The following ZNF540 variants were observed in gnomAD, a reference collection of about 807,000 sequenced individuals.
ZNF540 encodes the protein CTD-3064H18.6.
Under a neutral mutation model 11.8 loss-of-function variants are expected in ZNF540, and 3 were observed. The ratio of observed to expected loss-of-function variants is 0.25; its 90% CI spans 0.12 to 0.65. The LOEUF is 0.65. ZNF540 is among the 30% of genes least tolerant of loss of function. The pLI is 0.83. For synonymous variants in ZNF540, 247 were observed against 259.0 expected, an observed-to-expected ratio of 0.95 and a Z score of 0.45; for missense variants, 709 against 793.1, an observed-to-expected ratio of 0.89 and a Z score of 1.27.
rs764452262 is a variant in ZNF540, at chr19:37,598,367, C to T, written c.-72-9C>T. The T allele has an allele frequency of 4.0e-6, 6 of 1,501,656 alleles. No homozygotes were observed. Among genetic ancestry groups the T allele is most frequent in the African/African-American group, 2.8e-5 (2 of 71,662 alleles). The allele number at this position is 1,501,656 out of a possible 1,614,324, so 93.0% of individuals were successfully genotyped here. A position where few individuals can be genotyped will look rare whatever the true frequency, so the allele number is the denominator to read the frequency against. On this transcript the variant is annotated splice_polypyrimidine_tract_variant and intron_variant, in intron 1 of 4. Coordinates refer to ENST00000316433, the MANE Select transcript of ZNF540 (RefSeq NM_001172225.3). ...TCTCACTGTCTCATTTTTTTCTCCT[C>T]TAACTCAGGCTTCTCAGAACTTTGC... is the stretch of plus-strand genomic sequence containing the variant.
At chr19:37,594,280 T>C (rs1477322585), upstream of ZNF540, 4 of 152,258 alleles carry the variant, frequency 2.6e-5, no homozygotes, top group African/African-American at 9.6e-5. Flanking sequence ...ATGATGTCCG[T>C]GTCACACGAG....
chr19:37,568,121 G>A (rs773133130), intron 1 of ZNF540, among the ~76,000 whole-genome samples: 1 of 152,186 alleles, frequency 6.6e-6, no homozygotes, highest in Non-Finnish European at 1.5e-5. Flanking sequence ...CCTATCTGAT[G>A]TAACTGGATC....
intron 1 of ZNF540, among the ~76,000 whole-genome samples, chr19:37,571,083 C>A (rs1460662521): frequency 6.6e-6 from 1 of 152,186 alleles, no homozygotes; most frequent in Non-Finnish European, 1.5e-5. Flanking sequence ...ATTGTGTATT[C>A]ATCTGTAGCT....
chr19:37,583,802 G>T (rs760169121), intron 1 of ZNF540: 16 of 595,398 alleles, frequency 2.7e-5, no homozygotes, highest in Non-Finnish European at 4.6e-5. Context: ...GACAGAGAAA[G>T]ATGTGACAGT....
intron 1 of ZNF540, chr19:37,567,528 A>G (rs1442614869): frequency 6.6e-6 from 1 of 152,160 alleles, no homozygotes; most frequent in Admixed American, 6.5e-5. Flanking sequence ...TTAAGCCTCA[A>G]ATTGAGCCAC....
intron 1 of ZNF540, chr19:37,566,351 A>G (rs2042860053): frequency 4.0e-6 from 6 of 1,508,970 alleles, no homozygotes; most frequent in Non-Finnish European, 5.3e-6. Context: ...TAAAAATTCT[A>G]TGGTAAAAAT....
In ZNF540 at chr19:37,613,838, C is replaced by T; in HGVS notation, c.*575C>T. 2.5e-6 allele frequency: 1 copy of T among 398,454 alleles called. No homozygotes were observed. Among genetic ancestry groups the T allele is most frequent in the South Asian group, 1.3e-4 (1 of 7,848 alleles). 24.7% of individuals were successfully genotyped at this position (398,454 alleles called of 1,614,324 possible). ...CAATTCCTATGTTGAAACACGAATC[C>T]CAAGGTGATGGTATTTGAAGGTAGG... On this transcript the variant is annotated 3_prime_UTR_variant, in exon 5 of 5. Coordinates refer to ENST00000316433, the MANE Select transcript of ZNF540 (RefSeq NM_001172225.3).
chr19:37,610,678 A>G (rs1192002786), intron 4 of ZNF540, among the ~76,000 whole-genome samples: 1 of 152,240 alleles, frequency 6.6e-6, no homozygotes, highest in Admixed American at 6.5e-5. Flanking sequence ...GCAAGTCATA[A>G]TAAGAGGGAG....
At chr19:37,591,774 C>T (rs946870448), upstream of ZNF540, among the ~76,000 whole-genome samples, 3 of 152,022 alleles carry the variant, frequency 2.0e-5, no homozygotes, top group Admixed American at 2.0e-4. Context: ...AAACTCCCGA[C>T]CTCAGGTGAT....
intron 4 of ZNF540, 71 bp downstream of exon 4, chr19:37,601,176 T>C (rs2147226968): frequency 7.5e-7 from 1 of 1,328,292 alleles, no homozygotes; most frequent in East Asian, 2.5e-5. Context: ...AGGGAGCATA[T>C]ACAGGCTTTG....
intron 1 of ZNF540, chr19:37,583,939 C>T: frequency 6.4e-7 from 1 of 1,558,324 alleles, no homozygotes; most frequent in Non-Finnish European, 8.7e-7. Flanking sequence ...TTATGGGGAA[C>T]AAATTCTGAA....
At position 37,613,057 on chromosome 19, in the gene ZNF540, G is replaced by C; in HGVS notation, c.1777G>C (p.Asp593His). The C allele has an allele frequency of 6.2e-7, 1 of 1,613,852 alleles. No individual in the cohort carries two copies. Among genetic ancestry groups the C allele is most frequent in the East Asian group, 2.2e-5 (1 of 44,866 alleles). The change falls in exon 5 of 5, where the codon GAC becomes CAC. Residue 593 changes from aspartate (D) to histidine (H), a missense_variant. Asp to His is a moderately conservative substitution (Grantham distance 81). Coordinates refer to ENST00000316433, the MANE Select transcript of ZNF540 (RefSeq NM_001172225.3). ...TGGGAAGGCCTTTAGTCGTAGTGTA[G>C]ACCTTAGAATACATCAAAGAATTCA... ...ECGKAFSRSV[D>H]LRIHQRIHTG... is the part of the protein sequence containing the mutation.
chr19:37,604,724 C>G (rs750264698), intron 4 of ZNF540, among the ~76,000 whole-genome samples: 13 of 151,988 alleles, frequency 8.6e-5, no homozygotes, highest in Non-Finnish European at 1.9e-4. Context: ...TAATCATCAC[C>G]ACTTCAGTCA....
intron 1 of ZNF540, chr19:37,587,346 A>G (rs1282927243): frequency 6.6e-6 from 1 of 152,194 alleles, no homozygotes; most frequent in Non-Finnish European, 1.5e-5. Context: ...ATTCCTTACC[A>G]AAGTCTGGAT....
In ZNF540 at chr19:37,568,317, AC is replaced by A. The variant is rs5827983; in HGVS notation, c.-73+16661del. Reference sequence around the variant, plus strand: ...AGAAATGATAAAAACAAAAGCAACTACCCCCCCCCACTTGCCATATACACAC... The same window carrying A: ...AGAAATGATAAAAACAAAAGCAACTACCCCCCCCACTTGCCATATACACAC... On this transcript the variant is annotated intron_variant, in intron 1 of 4. Coordinates refer to the ZNF540 transcript ENST00000592533. 7.3e-4 allele frequency among the ~76,000 whole-genome samples: 104 copies of A among 142,340 alleles called. 1 individual carries two copies. Among genetic ancestry groups the A allele is most frequent in the Middle Eastern group, 3.5e-3 (1 of 282 alleles). 93.4% of individuals were successfully genotyped at this position (142,340 alleles called of 152,430 possible).
chr19:37,611,351 T>C (rs1052222731), intron 4 of ZNF540, 162 bp from the exon 5 acceptor site: 2 of 563,030 alleles, frequency 3.6e-6, no homozygotes, highest in African/African-American at 3.8e-5. Flanking sequence ...TCTAAGCTCA[T>C]GTTGCCTAAT....
chr19:37,580,974 A>G (rs976913720), intron 1 of ZNF540, among the ~76,000 whole-genome samples: 3 of 152,228 alleles, frequency 2.0e-5, no homozygotes, highest in Non-Finnish European at 4.4e-5. Context: ...TTGAAAAGTG[A>G]CCAGCATCTA....
chr19:37,592,316 TCTC>T (rs1254390458), upstream of ZNF540, among the ~76,000 whole-genome samples: 1 of 152,180 alleles, frequency 6.6e-6, no homozygotes, highest in Non-Finnish European at 1.5e-5. Context: ...GGTCAGTGCT[TCTC>T]AATCCTTCTA....
At position 37,598,456 on chromosome 19, in the gene ZNF540, T is replaced by G. The variant is rs145146494; in HGVS notation, c.9T>G (p.His3Gln). The G allele has an allele frequency of 2.5e-6, 4 of 1,613,948 alleles. No homozygotes were observed. The African/African-American group carries it at 5.3e-5, about 22-fold the overall frequency. MA[H>Q]ALVTFRDVAI... Reference sequence around the variant, plus strand: ...CTTGTGAGTGTAAAACCATGGCCCATGTAAGTCACAGTTTCTCTTTCCTTT... The same window carrying G: ...CTTGTGAGTGTAAAACCATGGCCCAGGTAAGTCACAGTTTCTCTTTCCTTT... The change falls in exon 2 of 5, where the codon CAT (histidine) becomes CAG (glutamine). Residue 3 changes from histidine (H) to glutamine (Q), a missense_variant and splice_region_variant. By Grantham distance (24) the His-to-Gln change is conservative. Coordinates refer to ENST00000316433, the MANE Select transcript of ZNF540 (RefSeq NM_001172225.3).
Sources: gnomAD v4.1 joint callset for allele counts (sites outside exome capture counted in the v4.1 genomes callset) on GRCh38, gnomAD v4.1.1 for gene constraint, MANE v1.5 for transcripts, NCBI Gene and HGNC (gene_info 2026-07-23, HGNC 2026-07-21) for gene names.